The following VPS53 variants were observed in gnomAD, a reference collection of about 807,000 sequenced individuals.
VPS53 encodes vacuolar protein sorting-associated protein 53 homolog.
VPS53 carries 70 observed loss-of-function variants against 107.0 expected under a neutral mutation model. The ratio of observed to expected loss-of-function variants is 0.65; its 90% CI spans 0.54 to 0.80. VPS53 has a LOEUF of 0.80. Among genes scored for constraint, VPS53 ranks in the 30% least tolerant of loss-of-function variants. VPS53 has a pLI of 0.00. For missense variants in VPS53, 917 were observed against 1,049.4 expected (o/e 0.87, Z 1.74); for synonymous variants, 409 against 393.3 (o/e 1.04, Z -0.47).
intron 8 of VPS53, among the ~76,000 whole-genome samples, chr17:630,351 A>T (rs1225614033): frequency 6.6e-6 from 1 of 151,640 alleles, no homozygotes; most frequent in Non-Finnish European, 1.5e-5. Flanking sequence ...AGTACACGTG[A>T]GGCTAACCTT....
rs1410778583 is a variant in VPS53, at chr17:586,132, CT to C, written c.1313+137del. 7.3e-6 allele frequency: 5 copies of C among 682,910 alleles called. No homozygotes were observed. The East Asian group carries it at 8.1e-5, about 11-fold the overall frequency. 42.3% of individuals were successfully genotyped at this position (682,910 alleles called of 1,614,324 possible). A position where few individuals can be genotyped will look rare whatever the true frequency, so the allele number is the denominator to read the frequency against. ...ACATTCAAAAGATGTAAAAATACCCCTAATGGGTTTCTAGGGAGGGTCACAG... is the reference window on the plus strand; with the variant it reads ...ACATTCAAAAGATGTAAAAATACCCCAATGGGTTTCTAGGGAGGGTCACAG... On this transcript the variant is annotated intron_variant, in intron 13 of 21. Transcript: ENST00000437048.
At chr17:643,262 G>A (rs1457981369) in intron 7 of VPS53, among the ~76,000 whole-genome samples, 5 of 63,044 alleles carry the variant, frequency 7.9e-5, no homozygotes, top group Non-Finnish European at 2.0e-4. Context: ...CTTGGAAAGT[G>A]AGGACAACAC....
At position 519,077 on chromosome 17, in the gene VPS53, G is replaced by A. The variant is rs1408566661; in HGVS notation, c.*51C>T. 6.6e-5 allele frequency: 96 copies of A among 1,453,090 alleles called. 1 individual carries two copies. The highest frequency in any genetic ancestry group is 1.6e-5 in the Non-Finnish European group (18 of 1,098,662). The allele number at this position is 1,453,090 out of a possible 1,614,324, so 90.0% of individuals were successfully genotyped here. Reference sequence around the variant, plus strand: ...CACAGGAGAGGTTGGGGGCTTCTGGGGAACGGGCGCTGAGGGTCTCCAGCC... The same window carrying A: ...CACAGGAGAGGTTGGGGGCTTCTGGAGAACGGGCGCTGAGGGTCTCCAGCC... On this transcript the variant is annotated 3_prime_UTR_variant, in exon 22 of 22. Transcript: ENST00000437048. This position sits in a 1 kb window ranked among gnomAD's most constrained non-coding sequence, Gnocchi z 5.0.
chr17:690,078 G>A (rs867508231), intron 4 of VPS53, among the ~76,000 whole-genome samples: 5 of 152,108 alleles, frequency 3.3e-5, no homozygotes, highest in Non-Finnish European at 4.4e-5. Flanking sequence ...CACGTCACAC[G>A]GCTCTGAATC....
At position 576,572 on chromosome 17, in the gene VPS53, C is replaced by A. The variant is rs186406128; in HGVS notation, c.1313+9698G>T. Among the ~76,000 whole-genome samples the A allele has an allele frequency of 1.9e-3, 291 of 151,444 alleles. 1 individual carries two copies. The highest frequency in any genetic ancestry group is 6.7e-3 in the African/African-American group (277 of 41,150). ...CAGCACCTAATGCGTTCCCAGAGAA[C>A]CTCCCACAGACCTCAATGCATTCCC... On this transcript the variant is annotated intron_variant, in intron 13 of 21. Transcript: ENST00000437048.
chr17:578,314 C>T (rs1053102529), intron 13 of VPS53, among the ~76,000 whole-genome samples: 1 of 151,278 alleles, frequency 6.6e-6, no homozygotes, highest in African/African-American at 2.4e-5. Flanking sequence ...CCCAGAGATG[C>T]TCCCTCAGAA....
chr17:628,286 T>C (rs1969803637), intron 8 of VPS53, 55 bp from the exon 9 acceptor site: 2 of 1,597,610 alleles, frequency 1.3e-6, no homozygotes, highest in Non-Finnish European at 1.7e-6. Flanking sequence ...TTAAACCTCA[T>C]GGCTTCTCAC....
intron 13 of VPS53, among the ~76,000 whole-genome samples, chr17:577,492 A>G (rs1244157263): frequency 6.6e-6 from 1 of 151,458 alleles, no homozygotes; most frequent in South Asian, 2.1e-4. Context: ...TCAGGACCTA[A>G]TGCGGTCCCA....
intron 5 of VPS53, among the ~76,000 whole-genome samples, chr17:658,993 C>T (rs1169224500): frequency 2.0e-5 from 3 of 151,928 alleles, no homozygotes; most frequent in Middle Eastern, 3.4e-3. Flanking sequence ...CCCCATCAAG[C>T]CTTCTCTCCT....
At chr17:653,179 G>A (rs1971027805) in intron 7 of VPS53, 112 bp downstream of exon 7, 1 of 1,560,138 alleles carries the variant, frequency 6.4e-7, no homozygotes, top group South Asian at 1.2e-5. Flanking sequence ...CTTTTGGAAA[G>A]CTGCCGGATC....
At chr17:553,573 A>C in intron 15 of VPS53, 111 bp from the exon 16 acceptor site, 4 of 746,696 alleles carry the variant, frequency 5.4e-6, no homozygotes, top group Middle Eastern at 4.0e-4. Flanking sequence ...AATTCCATAC[A>C]CTTTTTTTTT....
chr17:693,847 T>C (rs1212829147), intron 4 of VPS53, among the ~76,000 whole-genome samples: 1 of 152,236 alleles, frequency 6.6e-6, no homozygotes, highest in East Asian at 1.9e-4. Flanking sequence ...TTCTGAGTGT[T>C]CTTCAGAAGC....
chr17:699,484 A>T, intron 2 of VPS53, 104 bp from the exon 3 acceptor site: 1 of 931,768 alleles, frequency 1.1e-6, no homozygotes, highest in Non-Finnish European at 1.5e-6. Flanking sequence ...AATCTCAAAA[A>T]ATTTAATCAC....
chr17:532,785 G>A (rs372558090), intron 19 of VPS53, 57 bp downstream of exon 19: 65 of 1,604,744 alleles, frequency 4.1e-5, no homozygotes, highest in Non-Finnish European at 5.5e-5. Flanking sequence ...AGAAGAATAT[G>A]TGCTTGATCT....
chr17:656,730 G>GTGTGTGTGTGTT, intron 5 of VPS53: 1 of 647,570 alleles, frequency 1.5e-6, no homozygotes, highest in African/African-American at 2.0e-5. Context: ...GTGTGTGTGT[G>GTGTGTGTGTGTT]TTTTATCATG....
In VPS53 at chr17:560,479, G is replaced by A; in HGVS notation, c.1651C>T (p.Leu551Phe). 6.2e-7 allele frequency: 1 copy of A among 1,613,226 alleles called. No homozygotes were observed. Among genetic ancestry groups the A allele is most frequent in the Non-Finnish European group, 8.5e-7 (1 of 1,180,024 alleles). Residue 551 changes from leucine to phenylalanine, a missense_variant, in exon 15 of 22, where the codon CTC (leucine) becomes TTC (phenylalanine). Physicochemically the swap from Leu to Phe is conservative, Grantham distance 22. Coordinates refer to ENST00000437048, the MANE Select transcript of VPS53 (RefSeq NM_001128159.3). ...GCCGTGCTCAGGATGTTACAGATGA[G>A]GCAGAGCTCCTCCAGAGTGAACTTG... ...VAKFTLEELC[L>F]ICNILSTAEY... is the part of the protein sequence containing the mutation.
chr17:623,711 C>G (rs1178634602), intron 10 of VPS53, 37 bp from the exon 11 acceptor site: 2 of 1,581,160 alleles, frequency 1.3e-6, no homozygotes, highest in South Asian at 1.1e-5. Context: ...ATCAAACAAG[C>G]TGATCATTCA....
At chr17:681,064 T>A (rs181705461) in intron 4 of VPS53, among the ~76,000 whole-genome samples, 146 of 152,380 alleles carry the variant, frequency 9.6e-4, no homozygotes, top group African/African-American at 3.4e-3. Flanking sequence ...CATGTTAGCA[T>A]AAATTACATG....
At chr17:680,196 A>C (rs1972333549) in intron 4 of VPS53, among the ~76,000 whole-genome samples, 1 of 152,178 alleles carries the variant, frequency 6.6e-6, no homozygotes, top group Admixed American at 6.5e-5. Context: ...CGGGAGGCTG[A>C]GGCAGGAGAA....
Sources: allele counts gnomAD v4.1 joint callset (sites outside exome capture counted in the v4.1 genomes callset), GRCh38; gene constraint gnomAD v4.1.1; non-coding constraint Gnocchi (gnomAD v3.1); transcripts MANE v1.5; gene names NCBI Gene and HGNC (gene_info 2026-07-23, HGNC 2026-07-21).